HEATR5B: variants seen among roughly 807,000 people sequenced by gnomAD.
HEATR5B encodes the protein HEAT repeat-containing protein 5B.
HEATR5B carries 156 observed loss-of-function variants against 224.1 expected under a neutral mutation model. The ratio of observed to expected loss-of-function variants is 0.70; its 90% CI spans 0.61 to 0.80. HEATR5B has a LOEUF of 0.80. Ranked by LOEUF, HEATR5B falls within the 30% of genes least tolerant of loss-of-function variation. The pLI is 0.00. For synonymous variants in HEATR5B, 1,027 were observed against 893.0 expected (o/e 1.15, Z -2.68); for missense variants, 2,323 against 2,535.5 (o/e 0.92, Z 1.80).
intron 17 of HEATR5B, among the ~76,000 whole-genome samples, chr2:37,050,206 A>G (rs1333203893): frequency 1.3e-5 from 2 of 152,204 alleles, no homozygotes; most frequent in African/African-American, 4.8e-5. Flanking sequence ...TAAATAAAGG[A>G]AAAATACATG....
At chr2:37,053,435 A>G (rs1046348294) in intron 17 of HEATR5B, 67 bp downstream of exon 17, 16 of 785,660 alleles carry the variant, frequency 2.0e-5, no homozygotes, top group South Asian at 1.0e-4. Flanking sequence ...TAATCTTGCT[A>G]TGTCTGGCTT....
intron 5 of HEATR5B, among the ~76,000 whole-genome samples, chr2:37,073,044 C>G (rs982862905): frequency 6.6e-6 from 1 of 152,076 alleles, no homozygotes; most frequent in African/African-American, 2.4e-5. Context: ...GAAATAATAC[C>G]AATTCTATAC....
intron 16 of HEATR5B, among the ~76,000 whole-genome samples, chr2:37,055,466 GAAATAGATGCTTT>G (rs1195766255): frequency 6.6e-6 from 1 of 152,092 alleles, no homozygotes; most frequent in African/African-American, 2.4e-5. Flanking sequence ...CCAAAATGTT[GAAATAGATGCTTT>G]ATAAGATTCT....
intron 17 of HEATR5B, among the ~76,000 whole-genome samples, chr2:37,053,232 A>C (rs1670672487): frequency 6.6e-6 from 1 of 152,236 alleles, no homozygotes; most frequent in African/African-American, 2.4e-5. Context: ...CATTCGTCAA[A>C]CATCTTTGAA....
Position 37,084,231 on chromosome 2 carries a change from G to A in HEATR5B, c.-23+38C>T, listed in dbSNP as rs189298462. 2.7e-5 allele frequency: 10 copies of A among 374,534 alleles called. No individual in the cohort carries two copies. The Admixed American group carries it at 4.1e-4, about 15-fold the overall frequency. 23.2% of individuals were successfully genotyped at this position (374,534 alleles called of 1,614,324 possible). ...GTCTGAAAATGTACGTCGGACAGGA[G>A]TCCGTGCGTGTCAACATGCATGCTT... On this transcript the variant is annotated intron_variant, in intron 1 of 35. Coordinates refer to ENST00000233099, the MANE Select transcript of HEATR5B (RefSeq NM_019024.3).
At position 37,032,940 on chromosome 2, in the gene HEATR5B, G is replaced by C. The variant is rs12329214; in HGVS notation, c.3217-167C>G. Among the ~76,000 whole-genome samples the C allele has an allele frequency of 8.7e-3, 1,317 of 151,618 alleles. 23 individuals carry two copies. The highest frequency in any genetic ancestry group is 0.031 in the African/African-American group (1,261 of 41,296). On this transcript the variant is annotated intron_variant, in intron 21 of 35. Transcript: ENST00000233099. ...TTGTTGCCCAGGCTGGAGCGCAGTGGCGTGATCTCAGCTCACTGCAACCTC... is the reference window on the plus strand; with the variant it reads ...TTGTTGCCCAGGCTGGAGCGCAGTGCCGTGATCTCAGCTCACTGCAACCTC...
chr2:37,025,306 A>G (rs1048047522), intron 24 of HEATR5B, among the ~76,000 whole-genome samples: 25 of 152,180 alleles, frequency 1.6e-4, no homozygotes, highest in African/African-American at 5.3e-4. Context: ...CCACCTCCAC[A>G]CTGAGAGAAA....
chr2:37,005,263 C>T (rs1388114293), intron 30 of HEATR5B, among the ~76,000 whole-genome samples: 1 of 152,148 alleles, frequency 6.6e-6, no homozygotes, highest in Admixed American at 6.6e-5. Context: ...CTCACTAATT[C>T]CTCTTGAAGA....
At chr2:37,053,645 A>G in intron 16 of HEATR5B, 38 bp from the exon 17 acceptor site, 2 of 1,289,148 alleles carry the variant, frequency 1.6e-6, no homozygotes, top group Non-Finnish European at 1.1e-6. Flanking sequence ...TTAGTGACAA[A>G]TTTTATTCCA....
chr2:37,029,871 G>A (rs1208172313), intron 22 of HEATR5B, among the ~76,000 whole-genome samples: 1 of 151,780 alleles, frequency 6.6e-6, no homozygotes, highest in South Asian at 2.1e-4. Flanking sequence ...CCTGGGAGGC[G>A]GAGGTTGCAG....
At chr2:37,003,729 C>T (rs1667240004) in intron 30 of HEATR5B, 43 bp from the exon 31 acceptor site, 1 of 1,370,924 alleles carries the variant, frequency 7.3e-7, no homozygotes, top group Non-Finnish European at 9.9e-7. Context: ...ATTTCAATCT[C>T]AAAGAATAAC....
intron 16 of HEATR5B, among the ~76,000 whole-genome samples, chr2:37,054,480 A>ATTTTT (rs11433192): frequency 8.0e-5 from 6 of 75,220 alleles, no homozygotes; most frequent in African/African-American, 2.3e-4. Flanking sequence ...TGTGCTCTGC[A>ATTTTT]TTTTTTTTTT....
At chr2:37,074,321 CA>C (rs200217812) in intron 5 of HEATR5B, among the ~76,000 whole-genome samples, 4,605 of 50,558 alleles carry the variant, frequency 0.091, 56 homozygotes, top group Non-Finnish European at 0.13. Context: ...GACTCCATCT[CA>C]AAAAAAAAAA....
At chr2:37,048,785 C>T (rs1670357332) in intron 18 of HEATR5B, among the ~76,000 whole-genome samples, 3 of 152,152 alleles carry the variant, frequency 2.0e-5, no homozygotes, top group African/African-American at 7.2e-5. Context: ...ATCCTTAGTG[C>T]ATTAGGGCAT....
chr2:36,983,706 C>T (rs1210472938), intron 35 of HEATR5B, among the ~76,000 whole-genome samples: 2 of 151,406 alleles, frequency 1.3e-5, no homozygotes, highest in Non-Finnish European at 1.5e-5. Context: ...CCAGCATGGG[C>T]GACAAAGCGA....
intron 15 of HEATR5B, 38 bp from the exon 16 acceptor site, chr2:37,056,653 T>A: frequency 6.5e-7 from 1 of 1,529,590 alleles, no homozygotes; most frequent in Non-Finnish European, 8.9e-7. Flanking sequence ...CAAAATCTAC[T>A]TTAGGAAATC....
chr2:37,062,536 A>G (rs182561182), intron 10 of HEATR5B, among the ~76,000 whole-genome samples: 7 of 152,336 alleles, frequency 4.6e-5, no homozygotes, highest in African/African-American at 1.7e-4. Flanking sequence ...AGAGACCCAG[A>G]ACAGTGTAGT....
At position 37,075,643 on chromosome 2, in the gene HEATR5B, G is replaced by A. The variant is rs1197463121; in HGVS notation, c.448-9C>T. ...TCACTTCGCCCTTGAGACTAGACAT[G>A]TATACAAAACAAAACTATTTTGTAA... On this transcript the variant is annotated splice_polypyrimidine_tract_variant and intron_variant, in intron 4 of 35. Coordinates refer to ENST00000233099, the MANE Select transcript of HEATR5B (RefSeq NM_019024.3). The A allele has an allele frequency of 6.2e-7, 1 of 1,602,406 alleles. No homozygotes were observed. The highest frequency in any genetic ancestry group is 2.2e-5 in the East Asian group (1 of 44,524).
chr2:37,030,953 G>A (rs1349180910), intron 22 of HEATR5B, among the ~76,000 whole-genome samples: 1 of 152,160 alleles, frequency 6.6e-6, no homozygotes, highest in Non-Finnish European at 1.5e-5. Flanking sequence ...CCTAAACTGT[G>A]GCTTCTGTTG....
Sources: gnomAD v4.1 joint callset for allele counts (sites outside exome capture counted in the v4.1 genomes callset) on GRCh38, gnomAD v4.1.1 for gene constraint, MANE v1.5 for transcripts, NCBI Gene and HGNC (gene_info 2026-07-23, HGNC 2026-07-21) for gene names.